SOX5: variants seen among roughly 807,000 people sequenced by gnomAD.
The protein encoded by SOX5 is SRY-box transcription factor 5.
SOX5 carries 9 observed loss-of-function variants against 92.0 expected under a neutral mutation model. The ratio of observed to expected loss-of-function variants is 0.10; its 90% CI spans 0.06 to 0.17. The LOEUF is 0.17. Among genes scored for constraint, SOX5 ranks in the 10% least tolerant of loss-of-function variants. The pLI, the probability that SOX5 is intolerant of heterozygous loss-of-function variation, is 1.00. For missense variants in SOX5, 642 were observed against 944.5 expected (o/e 0.68, Z 4.20); for synonymous variants, 344 against 336.3 (o/e 1.02, Z -0.25).
intron 1 of SOX5, among the ~76,000 whole-genome samples, chr12:24,489,719 C>T (rs1365781236): frequency 5.3e-5 from 8 of 152,264 alleles, no homozygotes; most frequent in Non-Finnish European, 8.8e-5. Context: ...AACACATACC[C>T]GTTTTCAGGT....
intron 3 of SOX5, among the ~76,000 whole-genome samples, chr12:23,832,295 T>C (rs1158264436): frequency 6.6e-6 from 1 of 152,056 alleles, no homozygotes; most frequent in Non-Finnish European, 1.5e-5. Flanking sequence ...CATATTTATT[T>C]GGGGAAATGT....
At chr12:24,363,105 CTGT>C (rs921468039) in intron 2 of SOX5, among the ~76,000 whole-genome samples, 8 of 148,574 alleles carry the variant, frequency 5.4e-5, no homozygotes, top group African/African-American at 1.6e-4. Context: ...TTTATCCTTA[CTGT>C]TATTTAAATA....
At position 23,530,304 on chromosome 12, in the gene SOX5, G is replaced by C. The variant is rs1243871350; in HGVS notation, c.*3915C>G. ...TAATTATTTTTTATGTTTTAAATGTGATATAAGAGGTTTCTTCTGGGAACA... is the reference window on the plus strand; with the variant it reads ...TAATTATTTTTTATGTTTTAAATGTCATATAAGAGGTTTCTTCTGGGAACA... On this transcript the variant is annotated 3_prime_UTR_variant, in exon 15 of 15. Transcript: ENST00000451604. The C allele has an allele frequency of 1.3e-5, 2 of 152,168 alleles. No homozygotes were observed. Among genetic ancestry groups the C allele is most frequent in the Non-Finnish European group, 1.5e-5 (1 of 68,028 alleles). The allele number at this position is 152,168 out of a possible 1,614,324, so 9.4% of individuals were successfully genotyped here.
chr12:24,116,480 T>C (rs1296606562), intron 4 of SOX5, among the ~76,000 whole-genome samples: 1 of 152,206 alleles, frequency 6.6e-6, no homozygotes, highest in Non-Finnish European at 1.5e-5. Context: ...AATTCTTTTT[T>C]TTCCATAACC....
intron 1 of SOX5, among the ~76,000 whole-genome samples, chr12:24,487,962 C>G (rs1205451776): frequency 1.3e-5 from 2 of 152,210 alleles, no homozygotes; most frequent in Non-Finnish European, 2.9e-5. Flanking sequence ...GTTCTCATCT[C>G]TCTTCCGTAG....
chr12:23,951,017 GC>G (rs1945547015), upstream of SOX5: 1 of 681,656 alleles, frequency 1.5e-6, no homozygotes, highest in Non-Finnish European at 2.6e-6. Context: ...ACTCACGCAC[GC>G]TCTCCACTCC....
At chr12:23,724,296 A>T (rs79307791) in intron 6 of SOX5, among the ~76,000 whole-genome samples, 3 of 152,122 alleles carry the variant, frequency 2.0e-5, no homozygotes, top group Admixed American at 2.0e-4. Context: ...ACACACACAT[A>T]CACACAGGCC....
At chr12:24,377,060 C>T (rs1204465210) in intron 1 of SOX5, among the ~76,000 whole-genome samples, 1 of 152,048 alleles carries the variant, frequency 6.6e-6, no homozygotes, top group South Asian at 2.1e-4. Flanking sequence ...TGCATTTCTC[C>T]TCTTACAGAT....
chr12:24,404,048 A>G (rs773019089), intron 1 of SOX5, among the ~76,000 whole-genome samples: 6 of 152,248 alleles, frequency 3.9e-5, no homozygotes, highest in Non-Finnish European at 5.9e-5. Context: ...GGAAAATATC[A>G]AAACAATCCG....
At chr12:24,280,243 G>A (rs1216867777) in intron 2 of SOX5, among the ~76,000 whole-genome samples, 1 of 152,172 alleles carries the variant, frequency 6.6e-6, no homozygotes, top group African/African-American at 2.4e-5. Context: ...TCATACTAAA[G>A]TGCAGCACGA....
At chr12:24,353,971 C>T (rs188594170) in intron 2 of SOX5, among the ~76,000 whole-genome samples, 1 of 152,228 alleles carries the variant, frequency 6.6e-6, no homozygotes, top group African/African-American at 2.4e-5. Context: ...CTTGAAGAAC[C>T]TACTATGTAC....
At chr12:24,527,745 A>T (rs1420334611) in intron 1 of SOX5, among the ~76,000 whole-genome samples, 1 of 152,210 alleles carries the variant, frequency 6.6e-6, no homozygotes, top group Non-Finnish European at 1.5e-5. Flanking sequence ...CCAACTCTTC[A>T]CCTTGTAGCT....
chr12:23,555,865 A>C (rs1458918273), intron 11 of SOX5, among the ~76,000 whole-genome samples: 1 of 152,240 alleles, frequency 6.6e-6, no homozygotes, highest in Admixed American at 6.5e-5. Context: ...ATAAAGAGAA[A>C]GAAATGAAAA....
At chr12:23,773,687 T>G (rs2095009673) in intron 3 of SOX5, among the ~76,000 whole-genome samples, 1 of 152,088 alleles carries the variant, frequency 6.6e-6, no homozygotes, top group Non-Finnish European at 1.5e-5. Flanking sequence ...GGGCATTTTT[T>G]AAGTTAAAAC....
chr12:24,432,623 C>G (rs1938580856), intron 1 of SOX5, among the ~76,000 whole-genome samples: 2 of 152,166 alleles, frequency 1.3e-5, no homozygotes, highest in South Asian at 4.2e-4. Context: ...ACCATCCTGG[C>G]CAACATGATG....
At chr12:24,528,258 G>A (rs962436244) in intron 1 of SOX5, among the ~76,000 whole-genome samples, 1 of 152,126 alleles carries the variant, frequency 6.6e-6, no homozygotes, top group African/African-American at 2.4e-5. Flanking sequence ...GGCTCTGCTG[G>A]TCTTGACCTG....
chr12:24,355,550 G>A (rs1309986838), intron 2 of SOX5, among the ~76,000 whole-genome samples: 1 of 152,018 alleles, frequency 6.6e-6, no homozygotes, highest in Non-Finnish European at 1.5e-5. Flanking sequence ...TTTGATGATA[G>A]GCCAGATTCA....
At chr12:23,870,386 T>G (rs2096859994) in intron 2 of SOX5, among the ~76,000 whole-genome samples, 1 of 152,142 alleles carries the variant, frequency 6.6e-6, no homozygotes, top group African/African-American at 2.4e-5. Context: ...AGATTATACC[T>G]AATTTCCAAA....
At chr12:23,777,266 A>C (rs192568471) in intron 3 of SOX5, among the ~76,000 whole-genome samples, 1 of 152,338 alleles carries the variant, frequency 6.6e-6, no homozygotes, top group Non-Finnish European at 1.5e-5. Context: ...GAAATGATAA[A>C]TTTGCATTAT....
Sources: allele counts gnomAD v4.1 joint callset (sites outside exome capture counted in the v4.1 genomes callset), GRCh38; gene constraint gnomAD v4.1.1; transcripts MANE v1.5; gene names NCBI Gene and HGNC (gene_info 2026-07-23, HGNC 2026-07-21).